The following HIVEP3 variants were observed in gnomAD, a reference collection of about 807,000 sequenced individuals.
The protein encoded by HIVEP3 is transcription factor HIVEP3.
In HIVEP3, 49 loss-of-function variants were observed where a neutral mutation model predicts 152.8. That is an observed-to-expected ratio of 0.32 (90% CI 0.26 to 0.41). The LOEUF (loss-of-function observed/expected upper bound fraction) is 0.41. Ranked by LOEUF, HIVEP3 falls within the 10% of genes least tolerant of loss-of-function variation. The probability of loss-of-function intolerance (pLI) is 1.00; values close to 1 mark genes in which losing one functional copy is unlikely to be tolerated. For missense variants in HIVEP3, 2,790 were observed against 3,103.3 expected (o/e 0.90, Z 2.40); for synonymous variants, 1,269 against 1,289.0 (o/e 0.98, Z 0.33).
chr1:41,509,630 G>A lies in HIVEP3; in HGVS notation c.*821C>T, dbSNP rs1379634519. ...TCCCCAGCCCAGGGGGCCAGGGTGG[G>A]GTGCAGAAGGGAGGTGTCTGGAGTG... On this transcript the variant is annotated 3_prime_UTR_variant, in exon 9 of 9. Transcript: ENST00000372583. 1 of 151,926 alleles carries A rather than the reference G, an allele frequency of 6.6e-6. No homozygotes were observed. The highest frequency in any genetic ancestry group is 1.5e-5 in the Non-Finnish European group (1 of 68,036). The allele number at this position is 151,926 out of a possible 1,614,324, so 9.4% of individuals were successfully genotyped here.
chr1:41,768,896 G>C (rs1278630940), intron 1 of HIVEP3, among the ~76,000 whole-genome samples: 1 of 152,228 alleles, frequency 6.6e-6, no homozygotes, highest in African/African-American at 2.4e-5. Flanking sequence ...GCTCAGGGCT[G>C]TTCCTCAGGA....
At chr1:41,956,357 C>T (rs1289706309) in intron 1 of HIVEP3, among the ~76,000 whole-genome samples, 1 of 152,154 alleles carries the variant, frequency 6.6e-6, no homozygotes, top group Non-Finnish European at 1.5e-5. Flanking sequence ...TGAAACGGTC[C>T]AGGGTGCTGT....
chr1:41,986,773 A>G (rs1645326297), intron 1 of HIVEP3, among the ~76,000 whole-genome samples: 1 of 152,220 alleles, frequency 6.6e-6, no homozygotes, highest in African/African-American at 2.4e-5. Flanking sequence ...TGTATTTATT[A>G]ATTGCTGCCC....
At chr1:41,784,200 A>C (rs1649213830) in intron 1 of HIVEP3, among the ~76,000 whole-genome samples, 2 of 152,204 alleles carry the variant, frequency 1.3e-5, no homozygotes, top group Non-Finnish European at 2.9e-5. Context: ...GGAAGCCACT[A>C]GCCACTTGTG....
At chr1:41,994,121 G>T (rs1183203937) in intron 1 of HIVEP3, among the ~76,000 whole-genome samples, 1 of 151,302 alleles carries the variant, frequency 6.6e-6, no homozygotes, top group Non-Finnish European at 1.5e-5. Flanking sequence ...TGCACAATGT[G>T]CACATGTACC....
At chr1:41,751,085 T>C (rs1293304649) in intron 1 of HIVEP3, among the ~76,000 whole-genome samples, 1 of 152,154 alleles carries the variant, frequency 6.6e-6, no homozygotes, top group Non-Finnish European at 1.5e-5. Flanking sequence ...CCGAAGTTCA[T>C]GTCTAGGCTC....
chr1:41,774,010 A>G (rs1360168832), intron 1 of HIVEP3, among the ~76,000 whole-genome samples: 1 of 152,244 alleles, frequency 6.6e-6, no homozygotes, highest in East Asian at 1.9e-4. Context: ...TTGTCATGTG[A>G]CCTGCCTGAG....
At chr1:41,550,106 T>C (rs1021263946) in intron 5 of HIVEP3, among the ~76,000 whole-genome samples, 1 of 152,246 alleles carries the variant, frequency 6.6e-6, no homozygotes. Context: ...TAGCCAGTTT[T>C]CCCAGCACCA....
intron 5 of HIVEP3, among the ~76,000 whole-genome samples, chr1:41,550,209 G>A (rs899385111): frequency 6.6e-6 from 1 of 152,100 alleles, no homozygotes; most frequent in African/African-American, 2.4e-5. Context: ...TATTTCTGAG[G>A]CTTCTGTTCT....
intron 2 of HIVEP3, among the ~76,000 whole-genome samples, chr1:41,633,903 T>C (rs115639218): frequency 3.5e-4 from 53 of 152,280 alleles, no homozygotes; most frequent in African/African-American, 1.2e-3. Context: ...ACCAACAAGT[T>C]TGTAGATGAT....
chr1:41,660,032 G>C (rs960745861), intron 2 of HIVEP3, among the ~76,000 whole-genome samples: 13 of 152,246 alleles, frequency 8.5e-5, no homozygotes, highest in African/African-American at 3.1e-4. Context: ...GAGTGCATGG[G>C]AGTGGGTGTG....
At chr1:41,719,141 A>G (rs74070889) in intron 1 of HIVEP3, among the ~76,000 whole-genome samples, 2,113 of 152,350 alleles carry the variant, frequency 0.014, 48 homozygotes, top group African/African-American at 0.048. Flanking sequence ...ACAACCAGGT[A>G]CCCTGGAAGA....
At chr1:41,677,946 C>G (rs946018837) in intron 2 of HIVEP3, among the ~76,000 whole-genome samples, 1 of 152,152 alleles carries the variant, frequency 6.6e-6, no homozygotes, top group African/African-American at 2.4e-5. Context: ...TGAACTTGAC[C>G]TGGAGGCCCC....
At chr1:41,950,277 GT>G (rs1570838048) in intron 1 of HIVEP3, among the ~76,000 whole-genome samples, 2 of 152,134 alleles carry the variant, frequency 1.3e-5, no homozygotes, top group Admixed American at 1.3e-4. Flanking sequence ...TTGTATGGGA[GT>G]TCTGTTTTCA....
chr1:42,028,379 T>C (rs1645594089), intron 1 of HIVEP3, among the ~76,000 whole-genome samples: 1 of 152,164 alleles, frequency 6.6e-6, no homozygotes, highest in African/African-American at 2.4e-5. Flanking sequence ...GGACATACAG[T>C]AGAAGGAGAG....
chr1:41,648,734 C>T lies in HIVEP3; in HGVS notation c.-720-19787G>A, dbSNP rs146902032. ...CTGTAGGCCAACCCCATCCTTGTAC[C>T]AATGGCAAGACCAAGGCATGGAAGT... On this transcript the variant is annotated intron_variant, in intron 2 of 8. Transcript: ENST00000372583. 1.4e-3 allele frequency among the ~76,000 whole-genome samples: 216 copies of T among 152,342 alleles called. 1 individual carries two copies. The highest frequency in any genetic ancestry group is 4.9e-3 in the African/African-American group (202 of 41,580).
chr1:41,982,429 T>C (rs2124510811), intron 1 of HIVEP3, among the ~76,000 whole-genome samples: 1 of 152,314 alleles, frequency 6.6e-6, no homozygotes, highest in South Asian at 2.1e-4. Flanking sequence ...CTTATTTTGA[T>C]GAACAGCTAC....
chr1:41,741,400 G>A (rs1192377617), intron 1 of HIVEP3, among the ~76,000 whole-genome samples: 2 of 152,222 alleles, frequency 1.3e-5, no homozygotes, highest in African/African-American at 4.8e-5. Context: ...CATGGTGGGA[G>A]TGGGAGGTGC....
chr1:41,567,211 G>C (rs1309434868), intron 5 of HIVEP3, among the ~76,000 whole-genome samples: 1 of 152,214 alleles, frequency 6.6e-6, no homozygotes, highest in Admixed American at 6.5e-5. Context: ...TCAGTCTCAA[G>C]TGGAGGCTTC....
Sources: gnomAD v4.1 joint callset for allele counts (sites outside exome capture counted in the v4.1 genomes callset) on GRCh38, gnomAD v4.1.1 for gene constraint, MANE v1.5 for transcripts, NCBI Gene and HGNC (gene_info 2026-07-23, HGNC 2026-07-21) for gene names.